SYMPK: variants seen among roughly 807,000 people sequenced by gnomAD.
SYMPK encodes symplekin scaffold protein.
In SYMPK, 49 loss-of-function variants were observed where a neutral mutation model predicts 136.4. The observed-to-expected ratio is 0.36, with a 90% CI of 0.29 to 0.46. The LOEUF (loss-of-function observed/expected upper bound fraction) is 0.46, where lower values mean the gene tolerates loss of function less well. Among genes scored for constraint, SYMPK ranks in the 20% least tolerant of loss-of-function variants. SYMPK has a pLI of 1.00. For missense variants in SYMPK, 1,365 were observed against 1,690.0 expected, an observed-to-expected ratio of 0.81 and a Z score of 3.37; for synonymous variants, 766 against 713.0, an observed-to-expected ratio of 1.07 and a Z score of -1.19.
At chr19:45,847,280 C>A (rs114412131) in intron 7 of SYMPK, among the ~76,000 whole-genome samples, 19,092 of 151,794 alleles carry the variant, frequency 0.13, 1,412 homozygotes, top group South Asian at 0.18. Context: ...AAAAATTGGC[C>A]AGGTATGGTG....
intron 3 of SYMPK, 102 bp from the exon 4 acceptor site, chr19:45,852,637 A>C: frequency 1.5e-6 from 2 of 1,374,590 alleles, no homozygotes; most frequent in East Asian, 4.6e-5. Flanking sequence ...AGGGCTAGGC[A>C]GCAGATACAC....
chr19:45,855,629 G>A (rs1971805567), intron 1 of SYMPK: 1 of 152,132 alleles, frequency 6.6e-6, no homozygotes, highest in Non-Finnish European at 1.5e-5. Context: ...CACTGATAGA[G>A]AGTGCATACA....
In SYMPK at chr19:45,831,556, G is replaced by C. The variant is rs1367412626; in HGVS notation, c.1426C>G (p.Pro476Ala). 6.8e-6 allele frequency: 11 copies of C among 1,610,030 alleles called. No homozygotes were observed. The highest frequency in any genetic ancestry group is 9.3e-6 in the Non-Finnish European group (11 of 1,178,418). ...VEQTKQCKEE[P>A]KEEKVVKTES... ...GTCTTCACCACCTTCTCCTCCTTGG[G>C]CTCCTCCTTGCACTGTTTGGTCTGC... The change falls in exon 12 of 27, where the codon CCC becomes GCC. Residue 476 changes from proline to alanine, a missense_variant. By Grantham distance (27) the Pro-to-Ala change is conservative. This residue lies in a region of SYMPK where 46 missense variants were observed against 63.9 expected (regional missense o/e 0.72). Coordinates refer to ENST00000245934, the MANE Select transcript of SYMPK (RefSeq NM_004819.3).
chr19:45,823,545 G>A (rs1295850415), intron 19 of SYMPK, 73 bp from the exon 20 acceptor site: 4 of 1,428,720 alleles, frequency 2.8e-6, no homozygotes, highest in Admixed American at 1.7e-5. Context: ...ACCCAGGAAA[G>A]AGAAGCAGGC....
At position 45,847,935 on chromosome 19, in the gene SYMPK, C is replaced by T. The variant is rs927578710; in HGVS notation, c.493G>A (p.Ala165Thr). The T allele has an allele frequency of 1.9e-6, 3 of 1,611,826 alleles. No individual in the cohort carries two copies. The highest frequency in any genetic ancestry group is 1.3e-5 in the African/African-American group (1 of 74,874). ...EACWDMVSAMAGDIILLLDSD... is the reference protein window; with the variant it reads ...EACWDMVSAMTGDIILLLDSD... ...TCCAATAGCAGGATGATGTCCCCCG[C>T]CATGGCAGATACCATGTCCCAGCAG... Residue 165 changes from alanine (A) to threonine (T), a missense_variant, in exon 7 of 27, where the codon GCG becomes ACG. This residue lies in a region of SYMPK where 237 missense variants were observed against 292.9 expected (regional missense o/e 0.81). Coordinates refer to ENST00000245934, the MANE Select transcript of SYMPK (RefSeq NM_004819.3).
rs1015570211 is a variant in SYMPK at position 45,836,500 on chromosome 19, A to G, written c.1243-1272T>C. On this transcript the variant is annotated intron_variant, in intron 10 of 26. Transcript: ENST00000245934. ...AAAAAACTTAGCTGGGCGTGGTGGCAGGCACCTGTAGTCCCAGCTACTCGG... is the reference window on the plus strand; with the variant it reads ...AAAAAACTTAGCTGGGCGTGGTGGCGGGCACCTGTAGTCCCAGCTACTCGG... 4.6e-5 allele frequency among the ~76,000 whole-genome samples: 7 copies of G among 151,360 alleles called. No individual in the cohort carries two copies. The East Asian group carries it at 6.1e-4, about 13-fold the overall frequency.
Position 45,854,496 on chromosome 19 carries a change from GGCT to G in SYMPK, c.-4_-2del. The G allele has an allele frequency of 6.2e-7, 1 of 1,613,520 alleles. No homozygotes were observed. Among genetic ancestry groups the G allele is most frequent in the Middle Eastern group, 1.6e-4 (1 of 6,062 alleles). On this transcript the variant is annotated 5_prime_UTR_variant, in exon 2 of 27. Transcript: ENST00000245934. ...CGCTGTCTCCACTGCCGCTCGCCAT[GGCT>G]GCTGTCAGCTTGTCCCCAGGAAAGA...
At chr19:45,844,294 G>A (rs1971511295) in intron 7 of SYMPK, 94 bp from the exon 8 acceptor site, 4 of 1,018,186 alleles carry the variant, frequency 3.9e-6, no homozygotes, top group Admixed American at 2.7e-5. Flanking sequence ...GACAGATCCT[G>A]GTACCTAGAT....
chr19:45,835,222 T>C lies in SYMPK; in HGVS notation c.1249A>G (p.Ile417Val). 6.3e-7 allele frequency: 1 copy of C among 1,592,434 alleles called. No homozygotes were observed. The highest frequency in any genetic ancestry group is 8.5e-7 in the Non-Finnish European group (1 of 1,170,112). The change falls in exon 11 of 27, where the codon ATC becomes GTC. Residue 417 changes from isoleucine (I) to valine (V), a missense_variant. By Grantham distance (29) the Ile-to-Val change is conservative (BLOSUM62 3). Around this residue, in one of 11 missense-constraint regions of SYMPK, gnomAD observed 15 missense variants for 61.4 expected, o/e 0.24. Transcript: ENST00000245934. ...TPDNVANLVLISMVYLPEAMP... is the reference protein window; with the variant it reads ...TPDNVANLVLVSMVYLPEAMP... The stretch of plus-strand genomic sequence containing the variant: ...GCCTCGGGTAGGTACACCATGCTGA[T>C]GAGGACCTGTGGGATGCCCAGGAAG...
chr19:45,855,699 A>G (rs113996837), intron 1 of SYMPK: 21,775 of 152,172 alleles, frequency 0.14, 2,105 homozygotes, highest in Admixed American at 0.29. Flanking sequence ...TTTTACAAAA[A>G]AAAAAGAAAA....
intron 5 of SYMPK, among the ~76,000 whole-genome samples, chr19:45,851,755 T>C (rs1971700554): frequency 1.3e-5 from 2 of 151,740 alleles, no homozygotes; most frequent in South Asian, 4.2e-4. Context: ...ATGCCTGTAA[T>C]CCCAGCTACT....
Position 45,816,286 on chromosome 19 carries a change from A to G in SYMPK, c.3355-103T>C. Reference sequence around the variant, plus strand: ...GAGGTGGTCTTTGAGTTCTTCACCAAGAGCATGGGGAGGAAGGGGCAGTTG... The same window carrying G: ...GAGGTGGTCTTTGAGTTCTTCACCAGGAGCATGGGGAGGAAGGGGCAGTTG... On this transcript the variant is annotated intron_variant, in intron 25 of 26. Transcript: ENST00000245934. 2.7e-6 allele frequency: 3 copies of G among 1,123,944 alleles called. No homozygotes were observed. The South Asian group carries it at 4.8e-5, about 18-fold the overall frequency. The allele number at this position is 1,123,944 out of a possible 1,614,324, so 69.6% of individuals were successfully genotyped here.
Position 45,826,305 on chromosome 19 carries a change from C to T in SYMPK, c.2250G>A (p.Glu750=). The T allele has an allele frequency of 1.9e-6, 3 of 1,614,106 alleles. No homozygotes were observed. The South Asian group carries it at 3.3e-5, about 18-fold the overall frequency. ...YEKEQLREYV[E]KFALNYLQLL... is the part of the protein sequence containing the mutation. ...GCTGCAGGTAGTTGAGGGCAAATTTCTCCACATACTCCCGCAGCTGCTCCT... is the reference window on the plus strand; with the variant it reads ...GCTGCAGGTAGTTGAGGGCAAATTTTTCCACATACTCCCGCAGCTGCTCCT... The change falls in exon 17 of 27, where the codon GAG becomes GAA. Residue 750 remains glutamate, a synonymous_variant. Coordinates refer to ENST00000245934, the MANE Select transcript of SYMPK (RefSeq NM_004819.3).
intron 7 of SYMPK, among the ~76,000 whole-genome samples, chr19:45,847,538 A>C (rs1395392652): frequency 6.6e-6 from 1 of 152,200 alleles, no homozygotes; most frequent in African/African-American, 2.4e-5. Context: ...ATTTACAAAA[A>C]AGAAAATGAA....
At chr19:45,858,635 C>A (rs983114758) in intron 1 of SYMPK, among the ~76,000 whole-genome samples, 2 of 152,146 alleles carry the variant, frequency 1.3e-5, no homozygotes, top group Non-Finnish European at 2.9e-5. Context: ...CCTGCCTCAG[C>A]CTCCCTAGTA....
chr19:45,844,264 CT>C (rs1385460608), intron 7 of SYMPK, 64 bp from the exon 8 acceptor site: 55 of 1,361,194 alleles, frequency 4.0e-5, no homozygotes, highest in Admixed American at 2.9e-4. Context: ...GAGACAGCAG[CT>C]TTTGGGACTA....
intron 3 of SYMPK, 106 bp from the exon 4 acceptor site, chr19:45,852,641 G>A: frequency 7.4e-7 from 1 of 1,351,502 alleles, no homozygotes; most frequent in East Asian, 2.3e-5. Flanking sequence ...CTAGGCAGCA[G>A]ATACACTCAT....
chr19:45,854,027 TAG>T, intron 3 of SYMPK, 146 bp downstream of exon 3: 1 of 741,698 alleles, frequency 1.3e-6, no homozygotes, highest in Non-Finnish European at 2.3e-6. Context: ...TCATGAGAAC[TAG>T]AAGAGCAGAG....
rs765153097 is a variant in SYMPK at position 45,838,482 on chromosome 19, C to T, written c.1221G>A (p.Thr407=). The change falls in exon 10 of 27, where the codon ACG becomes ACA. Residue 407 remains threonine (T), a synonymous_variant. Coordinates refer to ENST00000245934, the MANE Select transcript of SYMPK (RefSeq NM_004819.3). ...ITAEFLQPLL[T]PDNVANLVLI... ...TCACCAGATTAGCCACATTATCAGG[C>T]GTCAGCAGAGGCTGCAGGAACTCAG... is the stretch of plus-strand genomic sequence containing the variant. 6 of 1,613,824 alleles carry T rather than the reference C, an allele frequency of 3.7e-6. No homozygotes were observed. The highest frequency in any genetic ancestry group is 5.1e-6 in the Non-Finnish European group (6 of 1,179,818).
Sources: gnomAD v4.1 joint callset for allele counts (sites outside exome capture counted in the v4.1 genomes callset) on GRCh38, gnomAD v4.1.1 for gene constraint, gnomAD v4.1.1 regional missense constraint, MANE v1.5 for transcripts, NCBI Gene and HGNC (gene_info 2026-07-23, HGNC 2026-07-21) for gene names.